Variants in DLC1 observed in about 807,000 individuals in gnomAD.
DLC1 encodes the protein DLC1 Rho GTPase activating protein, also known as rho GTPase-activating protein 7.
Under a neutral mutation model 140.3 loss-of-function variants are expected in DLC1, and 54 were observed. The ratio of observed to expected loss-of-function variants is 0.38; its 90% CI spans 0.31 to 0.48. DLC1 has a LOEUF of 0.48. DLC1 is among the 20% of genes least tolerant of loss of function. The pLI, the probability that DLC1 is intolerant of heterozygous loss-of-function variation, is 0.96. For synonymous variants in DLC1, 986 were observed against 728.1 expected (o/e 1.35, Z -5.70); for missense variants, 2,536 against 1,907.0 (o/e 1.33, Z -6.14).
chr8:13,417,295 G>A (rs547812269), intron 2 of DLC1, among the ~76,000 whole-genome samples: 2 of 151,812 alleles, frequency 1.3e-5, no homozygotes, highest in South Asian at 4.2e-4. Flanking sequence ...TGCCATGCTG[G>A]TGTGCTGCAC....
Position 13,424,788 on chromosome 8 carries a change from T to C in DLC1, c.1024-23169A>G, listed in dbSNP as rs138086815. Among the ~76,000 whole-genome samples, 1,415 of 152,184 alleles carry C rather than the reference T, an allele frequency of 9.3e-3. 24 individuals carry two copies. The highest frequency in any genetic ancestry group is 0.033 in the African/African-American group (1,362 of 41,530). ...CGGGGTTTCACCATGTTAGCCAGGA[T>C]GGTCTTGGTCTCCTGACCTCGAGAT... On this transcript the variant is annotated intron_variant, in intron 2 of 17. Coordinates refer to ENST00000276297, the MANE Select transcript of DLC1 (RefSeq NM_182643.3).
chr8:13,595,397 C>G (rs1161899249), intron 1 of DLC1, among the ~76,000 whole-genome samples: 1 of 151,940 alleles, frequency 6.6e-6, no homozygotes, highest in Non-Finnish European at 1.5e-5. Context: ...AATAGTTATG[C>G]AAACAGAAAT....
chr8:13,567,999 T>C (rs779936142), intron 1 of DLC1: 7 of 1,472,634 alleles, frequency 4.8e-6, no homozygotes, highest in Non-Finnish European at 6.3e-6. Flanking sequence ...CCATAATTTC[T>C]ACAGGCACTT....
intron 1 of DLC1, among the ~76,000 whole-genome samples, chr8:13,589,515 C>T (rs907353444): frequency 5.3e-5 from 8 of 152,016 alleles, no homozygotes; most frequent in African/African-American, 7.2e-5. Context: ...CATTTTGCAA[C>T]GCAGAATCCA....
intron 1 of DLC1, among the ~76,000 whole-genome samples, chr8:13,581,259 G>A (rs1238942648): frequency 6.6e-6 from 1 of 152,108 alleles, no homozygotes; most frequent in Non-Finnish European, 1.5e-5. Flanking sequence ...CAATATCAGT[G>A]CACTTTGAAT....
At chr8:13,329,671 AT>A (rs2116938461) in intron 4 of DLC1, among the ~76,000 whole-genome samples, 1 of 152,238 alleles carries the variant, frequency 6.6e-6, no homozygotes, top group East Asian at 1.9e-4. Flanking sequence ...CTAATGCAGA[AT>A]TTTTCTGATA....
intron 2 of DLC1, among the ~76,000 whole-genome samples, chr8:13,421,203 T>C (rs569448434): frequency 6.6e-6 from 1 of 152,294 alleles, no homozygotes; most frequent in African/African-American, 2.4e-5. Context: ...CATTGAGCTC[T>C]TTTTGATGAT....
At chr8:13,180,121 T>G (rs1825955405) in intron 5 of DLC1, among the ~76,000 whole-genome samples, 1 of 152,208 alleles carries the variant, frequency 6.6e-6, no homozygotes, top group African/African-American at 2.4e-5. Context: ...CAGACATTCT[T>G]TGACTCCCTT....
intron 5 of DLC1, among the ~76,000 whole-genome samples, chr8:13,192,663 T>C (rs1293521708): frequency 6.6e-6 from 1 of 152,154 alleles, no homozygotes; most frequent in South Asian, 2.1e-4. Context: ...GTAGTCAGAA[T>C]GTGATTGACT....
intron 15 of DLC1, 152 bp downstream of exon 15, chr8:13,090,100 C>T (rs182532408): frequency 1.6e-4 from 107 of 662,156 alleles, no homozygotes; most frequent in Middle Eastern, 3.8e-4. Flanking sequence ...ACTCTCACCA[C>T]GGGGATCTTA....
intron 1 of DLC1, among the ~76,000 whole-genome samples, chr8:13,594,472 G>A (rs914103236): frequency 2.0e-5 from 3 of 151,988 alleles, no homozygotes; most frequent in Non-Finnish European, 4.4e-5. Flanking sequence ...CTCCCACATT[G>A]CTTTCGTCTC....
chr8:13,343,396 A>G (rs1834166968), intron 4 of DLC1, among the ~76,000 whole-genome samples: 1 of 152,216 alleles, frequency 6.6e-6, no homozygotes. Flanking sequence ...TCAATCAGTT[A>G]TGATAACTGA....
At chr8:13,514,188 C>G (rs1045280938) in intron 1 of DLC1, among the ~76,000 whole-genome samples, 1 of 152,100 alleles carries the variant, frequency 6.6e-6, no homozygotes, top group Non-Finnish European at 1.5e-5. Flanking sequence ...GCACAAGTCA[C>G]TCGGGTGCTT....
At chr8:13,385,131 T>G (rs1196067650) in intron 4 of DLC1, among the ~76,000 whole-genome samples, 1 of 152,142 alleles carries the variant, frequency 6.6e-6, no homozygotes, top group Non-Finnish European at 1.5e-5. Context: ...CCTGATTTAT[T>G]TGGTTATTAG....
chr8:13,137,806 C>T (rs1189267880), intron 5 of DLC1, among the ~76,000 whole-genome samples: 1 of 151,792 alleles, frequency 6.6e-6, no homozygotes, highest in Non-Finnish European at 1.5e-5. Flanking sequence ...CCACATTGGC[C>T]AGACTGGTCT....
chr8:13,547,039 G>C (rs559411760), intron 1 of DLC1, among the ~76,000 whole-genome samples: 2 of 151,904 alleles, frequency 1.3e-5, no homozygotes, highest in African/African-American at 2.4e-5. Context: ...AAAATATTTT[G>C]ATAAATCAAC....
chr8:13,329,942 C>A (rs1369674676), intron 4 of DLC1, among the ~76,000 whole-genome samples: 1 of 152,076 alleles, frequency 6.6e-6, no homozygotes, highest in African/African-American at 2.4e-5. Flanking sequence ...AACATTGCTT[C>A]ATTATCCAGT....
intron 1 of DLC1, among the ~76,000 whole-genome samples, chr8:13,500,507 A>G (rs188795436): frequency 6.6e-6 from 1 of 152,342 alleles, no homozygotes; most frequent in Admixed American, 6.5e-5. Flanking sequence ...GTGAAATGCA[A>G]TACTTAATAA....
intron 5 of DLC1, among the ~76,000 whole-genome samples, chr8:13,271,572 G>A (rs1830931790): frequency 6.6e-6 from 1 of 152,214 alleles, no homozygotes; most frequent in East Asian, 1.9e-4. Context: ...GTTACTTGAA[G>A]AATTTATTTT....
Sources: gnomAD v4.1 joint callset for allele counts (sites outside exome capture counted in the v4.1 genomes callset) on GRCh38, gnomAD v4.1.1 for gene constraint, MANE v1.5 for transcripts, NCBI Gene and HGNC (gene_info 2026-07-23, HGNC 2026-07-21) for gene names.